SBF2: variants seen among roughly 807,000 people sequenced by gnomAD.
SBF2 encodes SET binding factor 2.
Under a neutral mutation model 225.2 loss-of-function variants are expected in SBF2, and 112 were observed. That is an observed-to-expected ratio of 0.50 (90% CI 0.43 to 0.58). The LOEUF (loss-of-function observed/expected upper bound fraction) is 0.58. Ranked by LOEUF, SBF2 falls within the 20% of genes least tolerant of loss-of-function variation. The probability of loss-of-function intolerance (pLI) is 0.00; values close to 1 mark genes in which losing one functional copy is unlikely to be tolerated. For missense variants in SBF2, 1,996 were observed against 2,206.2 expected (o/e 0.90, Z 1.91); for synonymous variants, 763 against 773.3 (o/e 0.99, Z 0.22).
At chr11:9,811,654 C>A (rs141294708) in intron 30 of SBF2, among the ~76,000 whole-genome samples, 144 of 151,920 alleles carry the variant, frequency 9.5e-4, no homozygotes, top group Non-Finnish European at 3.4e-4. Context: ...ATTTATGTGG[C>A]GGCATTTCTC....
chr11:9,833,715 CAGCT>C, intron 26 of SBF2, among the ~76,000 whole-genome samples: 4 of 151,284 alleles, frequency 2.6e-5, no homozygotes, highest in Non-Finnish European at 4.4e-5. Context: ...CCACCGTGCC[CAGCT>C]GGTGATTTAT....
At chr11:10,119,346 G>GA (rs994125535) in intron 2 of SBF2, among the ~76,000 whole-genome samples, 7 of 151,938 alleles carry the variant, frequency 4.6e-5, no homozygotes, top group Admixed American at 6.6e-5. Context: ...CAATTTTTCT[G>GA]AAAAAATCCA....
rs571292520 is a variant in SBF2, at chr11:10,121,695, G to C, written c.141+72207C>G. Among the ~76,000 whole-genome samples, 31 of 152,334 alleles carry C rather than the reference G, an allele frequency of 2.0e-4. No homozygotes were observed. The South Asian group carries it at 5.6e-3, about 27-fold the overall frequency. On this transcript the variant is annotated intron_variant, in intron 2 of 39. Coordinates refer to ENST00000256190, the MANE Select transcript of SBF2 (RefSeq NM_030962.4). Reference sequence around the variant, plus strand: ...AAGCCAAGCATTTACTTGGGAACCTGTAGAATAAATTACAGTTGTCCTCTT... The same window carrying C: ...AAGCCAAGCATTTACTTGGGAACCTCTAGAATAAATTACAGTTGTCCTCTT...
At chr11:10,122,799 T>C (rs981618754) in intron 2 of SBF2, among the ~76,000 whole-genome samples, 1 of 152,228 alleles carries the variant, frequency 6.6e-6, no homozygotes, top group African/African-American at 2.4e-5. Flanking sequence ...CAGCCCTTCA[T>C]ACCTGCACAC....
chr11:9,967,961 CTCTCTCTCTCTATATATATA>C (rs1396359038), intron 14 of SBF2, among the ~76,000 whole-genome samples: 3 of 128,014 alleles, frequency 2.3e-5, no homozygotes, highest in East Asian at 4.4e-4. Context: ...CTCTCTCTCT[CTCTCTCTCTCTATATATATA>C]TATATATATA....
intron 17 of SBF2, among the ~76,000 whole-genome samples, chr11:9,891,998 T>C (rs754467927): frequency 2.0e-5 from 3 of 152,204 alleles, no homozygotes; most frequent in Non-Finnish European, 4.4e-5. Flanking sequence ...TAATTAAAAA[T>C]AATTAGGTAT....
In SBF2 at chr11:10,131,512, C is replaced by G. The variant is rs190651304; in HGVS notation, c.141+62390G>C. Reference sequence around the variant, plus strand: ...GCAATGCTGTGACCTTGGCTCACTGCAACCTCCGCCTCCCAGGTTCAAGCG... The same window carrying G: ...GCAATGCTGTGACCTTGGCTCACTGGAACCTCCGCCTCCCAGGTTCAAGCG... On this transcript the variant is annotated intron_variant, in intron 2 of 39. Transcript: ENST00000256190. Among the ~76,000 whole-genome samples, 6 of 152,314 alleles carry G rather than the reference C, an allele frequency of 3.9e-5. No individual in the cohort carries two copies. In the East Asian group the frequency reaches 1.2e-3, roughly 29 times the overall value.
At chr11:10,144,521 GGC>G (rs1233548244) in intron 2 of SBF2, among the ~76,000 whole-genome samples, 1 of 151,832 alleles carries the variant, frequency 6.6e-6, no homozygotes, top group Non-Finnish European at 1.5e-5. Flanking sequence ...CATTAAGGCT[GGC>G]TTTCTTATTA....
chr11:9,925,307 G>A (rs952332404), intron 16 of SBF2, among the ~76,000 whole-genome samples: 8 of 151,462 alleles, frequency 5.3e-5, no homozygotes, highest in African/African-American at 1.9e-4. Flanking sequence ...TATATTTTTA[G>A]ATGGAGTTTT....
intron 17 of SBF2, among the ~76,000 whole-genome samples, chr11:9,877,407 A>T (rs188036166): frequency 1.9e-3 from 283 of 152,308 alleles, no homozygotes; most frequent in African/African-American, 6.3e-3. Flanking sequence ...ATAATTTTTT[A>T]AAATTATACT....
chr11:9,835,611 G>A (rs1257944202), intron 26 of SBF2, among the ~76,000 whole-genome samples: 6 of 91,348 alleles, frequency 6.6e-5, no homozygotes, highest in African/African-American at 2.1e-4. Flanking sequence ...CAGCCTGGGA[G>A]ACAGAGCAAG....
chr11:9,828,242 GAAC>G (rs1564889031), intron 28 of SBF2: 1 of 1,284,918 alleles, frequency 7.8e-7, no homozygotes, highest in African/African-American at 1.5e-5. Flanking sequence ...CCAAAAAGAA[GAAC>G]AAAAACCATG....
chr11:9,973,829 G>A (rs1946560112), intron 13 of SBF2, among the ~76,000 whole-genome samples: 1 of 152,052 alleles, frequency 6.6e-6, no homozygotes, highest in Non-Finnish European at 1.5e-5. Context: ...AGCCACCTTG[G>A]GAAAAAGAAA....
intron 2 of SBF2, among the ~76,000 whole-genome samples, chr11:10,177,417 C>T (rs1362549237): frequency 2.6e-4 from 38 of 148,766 alleles, no homozygotes; most frequent in Middle Eastern, 3.4e-3. Context: ...TGTTTGCAGA[C>T]GACATGATTG....
chr11:10,304,003 C>T (rs1964623999), intron 1 of SBF2, among the ~76,000 whole-genome samples: 1 of 152,214 alleles, frequency 6.6e-6, no homozygotes, highest in Admixed American at 6.5e-5. Flanking sequence ...GCGCCCCAGT[C>T]GGCCGTGCTA....
At chr11:10,042,059 C>A (rs183213089) in intron 3 of SBF2, among the ~76,000 whole-genome samples, 99 of 152,230 alleles carry the variant, frequency 6.5e-4, no homozygotes, top group African/African-American at 2.3e-3. Flanking sequence ...CAGAAGTCAG[C>A]AGTGTGAATA....
At chr11:10,186,446 C>T (rs772834976) in intron 2 of SBF2, among the ~76,000 whole-genome samples, 2 of 152,096 alleles carry the variant, frequency 1.3e-5, no homozygotes, top group Admixed American at 6.6e-5. Context: ...GGCAGGAGAT[C>T]GCTTGAGTCC....
At chr11:10,059,394 G>C (rs1440826039) in intron 2 of SBF2, among the ~76,000 whole-genome samples, 1 of 151,744 alleles carries the variant, frequency 6.6e-6, no homozygotes, top group Non-Finnish European at 1.5e-5. Context: ...AACCAACAAA[G>C]ATAAAAAAAA....
At chr11:10,229,972 A>G (rs1177685206) in intron 1 of SBF2, among the ~76,000 whole-genome samples, 1 of 152,086 alleles carries the variant, frequency 6.6e-6, no homozygotes, top group African/African-American at 2.4e-5. Flanking sequence ...GTCACTAAGG[A>G]CTTGCTTTAT....
Sources: gnomAD v4.1 joint callset for allele counts (sites outside exome capture counted in the v4.1 genomes callset) on GRCh38, gnomAD v4.1.1 for gene constraint, MANE v1.5 for transcripts, NCBI Gene and HGNC (gene_info 2026-07-23, HGNC 2026-07-21) for gene names.